Variants in SORCS2 observed in about 807,000 individuals in gnomAD.
The protein encoded by SORCS2 is sortilin related VPS10 domain containing receptor 2.
In SORCS2, 100 loss-of-function variants were observed where a neutral mutation model predicts 141.6. That is an observed-to-expected ratio of 0.71 (90% CI 0.60 to 0.83). The LOEUF (loss-of-function observed/expected upper bound fraction) is 0.83. SORCS2 is among the 40% of genes least tolerant of loss of function. The pLI is 0.00. For missense variants in SORCS2, 1,646 were observed against 1,560.2 expected (o/e 1.05, Z -0.93); for synonymous variants, 789 against 676.9 (o/e 1.17, Z -2.57).
rs746929244 is a variant in SORCS2 at position 7,531,547 on chromosome 4, C to T, written c.566C>T (p.Thr189Met). 3.7e-5 allele frequency: 59 copies of T among 1,613,720 alleles called. 1 individual carries two copies. The highest frequency in any genetic ancestry group is 3.5e-4 in the South Asian group (32 of 91,080). ...TCCCCCAGGTCATCAGATTTCGGGA[C>T]GTCCTACACCAAGCTCACCCTCCAG... Reference protein sequence around the residue: ...SSLWRSSDFGTSYTKLTLQPG... With the variant: ...SSLWRSSDFGMSYTKLTLQPG... Residue 189 changes from threonine to methionine, a missense_variant, in exon 3 of 27, where the codon ACG (threonine) becomes ATG (methionine). Thr to Met is a moderately conservative substitution (Grantham distance 81). Coordinates refer to ENST00000507866, the MANE Select transcript of SORCS2 (RefSeq NM_020777.3).
At chr4:7,718,982 C>A (rs527699283) in intron 18 of SORCS2, among the ~76,000 whole-genome samples, 9 of 152,326 alleles carry the variant, frequency 5.9e-5, no homozygotes, top group Non-Finnish European at 8.8e-5. Flanking sequence ...GAAAAACTTA[C>A]AAGCATTGCA....
chr4:7,338,791 A>G (rs998323574), intron 1 of SORCS2, among the ~76,000 whole-genome samples: 5 of 152,260 alleles, frequency 3.3e-5, no homozygotes, highest in African/African-American at 1.2e-4. Flanking sequence ...GCAGGACACC[A>G]GACAGCTTCC....
Position 7,313,976 on chromosome 4 carries a change from AC to A in SORCS2, c.481-82311del, listed in dbSNP as rs563291656. The stretch of plus-strand genomic sequence containing the variant: ...CCACCATGCCACAGGTGCTCAGAGT[AC>A]AGGAGTGACATTCGGGGACATGCCT... On this transcript the variant is annotated intron_variant, in intron 1 of 26. Transcript: ENST00000507866. Among the ~76,000 whole-genome samples the A allele has an allele frequency of 3.9e-3, 587 of 152,344 alleles. 3 individuals carry two copies. The highest frequency in any genetic ancestry group is 0.013 in the African/African-American group (557 of 41,574).
Position 7,663,348 on chromosome 4 carries a change from G to GAGTC in SORCS2, c.953-993_953-990dup, listed in dbSNP as rs1476388344. Among the ~76,000 whole-genome samples, 14 of 152,036 alleles carry GAGTC rather than the reference G, an allele frequency of 9.2e-5. 1 individual carries two copies. Among genetic ancestry groups the GAGTC allele is most frequent in the African/African-American group, 3.1e-4 (13 of 41,368 alleles). Reference sequence around the variant, plus strand: ...TGAGTGATTGAGTGAGTGAGTGAGTGAGTCAGTCAGTCAGTAGACTGTTGA... The same window carrying GAGTC: ...TGAGTGATTGAGTGAGTGAGTGAGTGAGTCAGTCAGTCAGTCAGTAGACTGTTGA... On this transcript the variant is annotated intron_variant, in intron 6 of 26. Coordinates refer to ENST00000507866, the MANE Select transcript of SORCS2 (RefSeq NM_020777.3). The surrounding 1 kb of genome is among the most constrained non-coding windows in gnomAD (Gnocchi z 4.8).
intron 1 of SORCS2, among the ~76,000 whole-genome samples, chr4:7,326,975 AG>A (rs1719305542): frequency 6.6e-6 from 1 of 152,166 alleles, no homozygotes; most frequent in African/African-American, 2.4e-5. Flanking sequence ...CCCGTGGCTG[AG>A]GGCCTCCGGG....
chr4:7,354,504 T>TA (rs1721133038), intron 1 of SORCS2, among the ~76,000 whole-genome samples: 1 of 151,454 alleles, frequency 6.6e-6, no homozygotes, highest in Non-Finnish European at 1.5e-5. Flanking sequence ...TTGGGGCGAG[T>TA]CCCAGCCCTA....
intron 3 of SORCS2, among the ~76,000 whole-genome samples, chr4:7,620,133 A>T (rs928240588): frequency 6.6e-6 from 1 of 151,868 alleles, no homozygotes; most frequent in Non-Finnish European, 1.5e-5. Context: ...GAGCACCCCC[A>T]GCACCTCTTC....
chr4:7,350,828 G>T lies in SORCS2; in HGVS notation c.481-45460G>T, dbSNP rs532021165. Among the ~76,000 whole-genome samples, 55 of 152,316 alleles carry T rather than the reference G, an allele frequency of 3.6e-4. No individual in the cohort carries two copies. The South Asian group carries it at 0.011, about 32-fold the overall frequency. On this transcript the variant is annotated intron_variant, in intron 1 of 26. Coordinates refer to ENST00000507866, the MANE Select transcript of SORCS2 (RefSeq NM_020777.3). ...AGCTCCAGCCTCCTTGGAGAGTCTG[G>T]CTCACTTTGGAGCACACCAGGGCGG...
chr4:7,332,363 C>T (rs574961568), intron 1 of SORCS2, among the ~76,000 whole-genome samples: 42 of 152,326 alleles, frequency 2.8e-4, no homozygotes, highest in Non-Finnish European at 5.0e-4. Flanking sequence ...CAGAGGCACC[C>T]GCAGCCTCCT....
intron 3 of SORCS2, among the ~76,000 whole-genome samples, chr4:7,623,544 C>A (rs1719337220): frequency 6.6e-6 from 1 of 152,140 alleles, no homozygotes; most frequent in African/African-American, 2.4e-5. Context: ...AGCCGGGGGC[C>A]TTCCAAACTC....
chr4:7,277,506 C>G (rs1225464193), intron 1 of SORCS2, among the ~76,000 whole-genome samples: 1 of 152,170 alleles, frequency 6.6e-6, no homozygotes, highest in African/African-American at 2.4e-5. Flanking sequence ...CTTCTAGGGT[C>G]AGCAAGGTCC....
At chr4:7,734,609 C>T (rs1712010536) in intron 25 of SORCS2, among the ~76,000 whole-genome samples, 1 of 152,186 alleles carries the variant, frequency 6.6e-6, no homozygotes, top group Non-Finnish European at 1.5e-5. Flanking sequence ...CACCCTCCCA[C>T]TCCTCCACTC....
chr4:7,667,808 C>T (rs1343861123), intron 8 of SORCS2, among the ~76,000 whole-genome samples: 1 of 152,240 alleles, frequency 6.6e-6, no homozygotes, highest in Non-Finnish European at 1.5e-5. Flanking sequence ...CTGCCCCTGC[C>T]TTGGGGCCTC....
At chr4:7,292,188 T>C (rs1716654054) in intron 1 of SORCS2, among the ~76,000 whole-genome samples, 1 of 151,178 alleles carries the variant, frequency 6.6e-6, no homozygotes, top group South Asian at 2.1e-4. Flanking sequence ...CCCCCACCAT[T>C]GACAGTCTGT....
intron 1 of SORCS2, among the ~76,000 whole-genome samples, chr4:7,344,666 C>A (rs1451912357): frequency 6.6e-6 from 1 of 152,156 alleles, no homozygotes. Context: ...CTGGGACCAG[C>A]CGAGTCCTCC....
chr4:7,391,050 GAC>G, intron 1 of SORCS2, among the ~76,000 whole-genome samples: 1 of 152,274 alleles, frequency 6.6e-6, no homozygotes, highest in Middle Eastern at 3.4e-3. Context: ...GACATGGGGA[GAC>G]CCTCCCGCAG....
intron 2 of SORCS2, among the ~76,000 whole-genome samples, chr4:7,461,363 A>C (rs1288214820): frequency 1.3e-5 from 2 of 151,948 alleles, no homozygotes; most frequent in Non-Finnish European, 2.9e-5. Flanking sequence ...CCTCACCAGC[A>C]GGGGGATGGC....
chr4:7,296,067 T>G (rs1021029543), intron 1 of SORCS2, among the ~76,000 whole-genome samples: 1 of 152,302 alleles, frequency 6.6e-6, no homozygotes, highest in South Asian at 2.1e-4. Context: ...AGAAATGCGA[T>G]GCAGAGTGTT....
rs1000381584 is a variant in SORCS2, at chr4:7,377,923, G to C, written c.481-18365G>C. 2.6e-5 allele frequency among the ~76,000 whole-genome samples: 4 copies of C among 152,320 alleles called. No homozygotes were observed. In the South Asian group the frequency reaches 6.2e-4, roughly 24 times the overall value. The stretch of plus-strand genomic sequence containing the variant: ...CACCCTGGGGAGATCTTTTAAATTA[G>C]ATTTCAGAAATGAAGATCTTGTTTT... On this transcript the variant is annotated intron_variant, in intron 1 of 26. Coordinates refer to ENST00000507866, the MANE Select transcript of SORCS2 (RefSeq NM_020777.3).
Sources: gnomAD v4.1 joint callset for allele counts (sites outside exome capture counted in the v4.1 genomes callset) on GRCh38, gnomAD v4.1.1 for gene constraint, Gnocchi (gnomAD v3.1) non-coding constraint, MANE v1.5 for transcripts, NCBI Gene and HGNC (gene_info 2026-07-23, HGNC 2026-07-21) for gene names.